The following PRKCZ variants were observed in gnomAD, a reference collection of about 807,000 sequenced individuals.
The protein encoded by PRKCZ is protein kinase C zeta type.
PRKCZ carries 33 observed loss-of-function variants against 79.5 expected under a neutral mutation model. The observed-to-expected ratio is 0.41, with a 90% CI of 0.31 to 0.55. The LOEUF is 0.55. Among genes scored for constraint, PRKCZ ranks in the 20% least tolerant of loss-of-function variants. The probability of loss-of-function intolerance (pLI) is 0.19; values close to 1 mark genes in which losing one functional copy is unlikely to be tolerated. For synonymous variants in PRKCZ, 342 were observed against 320.9 expected (o/e 1.07, Z -0.70); for missense variants, 578 against 813.5 (o/e 0.71, Z 3.52).
Position 2,185,014 on chromosome 1 carries a change from G to C in PRKCZ, c.*5G>C. 6.2e-7 allele frequency: 1 copy of C among 1,609,506 alleles called. No homozygotes were observed. Among genetic ancestry groups the C allele is most frequent in the Non-Finnish European group, 8.5e-7 (1 of 1,177,304 alleles). On this transcript the variant is annotated 3_prime_UTR_variant, in exon 18 of 18. Coordinates refer to ENST00000378567, the MANE Select transcript of PRKCZ (RefSeq NM_002744.6). ...TCCACCGAGGAGTCGGTGTGAGGCC[G>C]CGTGCGTCTCTGTCGTGGACACGCG...
At chr1:2,181,561 C>T (rs1201857399) in intron 16 of PRKCZ, among the ~76,000 whole-genome samples, 4 of 152,212 alleles carry the variant, frequency 2.6e-5, no homozygotes, top group Admixed American at 1.3e-4. Context: ...CTGGAGCCCA[C>T]GTGCCAGCTG....
chr1:2,103,320 G>A (rs554118258), intron 4 of PRKCZ, among the ~76,000 whole-genome samples: 2 of 152,378 alleles, frequency 1.3e-5, no homozygotes, highest in East Asian at 3.9e-4. Flanking sequence ...CCCCGGGAGA[G>A]CGGCCGACAC....
chr1:2,154,578 G>A (rs1360785791), intron 9 of PRKCZ, among the ~76,000 whole-genome samples: 1 of 152,206 alleles, frequency 6.6e-6, no homozygotes, highest in East Asian at 1.9e-4. Context: ...TGTATCTGTA[G>A]TCCCAGCTCC....
intron 7 of PRKCZ, among the ~76,000 whole-genome samples, chr1:2,147,013 G>T (rs1678686031): frequency 1.3e-5 from 2 of 151,952 alleles, no homozygotes; most frequent in Admixed American, 1.3e-4. Flanking sequence ...CATCCAGCCA[G>T]CCAGCCAGCC....
At chr1:2,161,607 C>G (rs141061446) in intron 10 of PRKCZ, among the ~76,000 whole-genome samples, 2 of 152,320 alleles carry the variant, frequency 1.3e-5, no homozygotes, top group East Asian at 3.9e-4. Flanking sequence ...GTCTGTAGTT[C>G]TAATCGGGAG....
At chr1:2,057,728 C>T (rs929759085) in intron 3 of PRKCZ, among the ~76,000 whole-genome samples, 4 of 152,080 alleles carry the variant, frequency 2.6e-5, no homozygotes, top group African/African-American at 2.4e-5. Context: ...TTTTTTGAGA[C>T]AGAGTCTGGC....
At position 2,128,181 on chromosome 1, in the gene PRKCZ, A is replaced by G. The variant is rs773235208; in HGVS notation, c.335-7081A>G. Reference sequence around the variant, plus strand: ...TCACTGTCTCCTTGTCCTCCTGGTCACTGACCTGGGCCACCATAGAAGGCA... The same window carrying G: ...TCACTGTCTCCTTGTCCTCCTGGTCGCTGACCTGGGCCACCATAGAAGGCA... On this transcript the variant is annotated intron_variant, in intron 4 of 17. Coordinates refer to ENST00000378567, the MANE Select transcript of PRKCZ (RefSeq NM_002744.6). This position sits in a 1 kb window ranked among gnomAD's most constrained non-coding sequence, Gnocchi z 6.5. Among the ~76,000 whole-genome samples, 7 of 152,294 alleles carry G rather than the reference A, an allele frequency of 4.6e-5. No homozygotes were observed. Among genetic ancestry groups the G allele is most frequent in the East Asian group, 1.9e-4 (1 of 5,184 alleles).
chr1:2,071,897 A>G (rs1661625382), intron 4 of PRKCZ, among the ~76,000 whole-genome samples: 1 of 152,240 alleles, frequency 6.6e-6, no homozygotes, highest in Admixed American at 6.5e-5. Context: ...CGTGGGCAGC[A>G]CCCAAGGAGG....
chr1:2,101,445 A>G (rs1422398406), intron 4 of PRKCZ, among the ~76,000 whole-genome samples: 1 of 151,318 alleles, frequency 6.6e-6, no homozygotes, highest in African/African-American at 2.4e-5. Flanking sequence ...TCCAGGGACA[A>G]CCCCTGGTGC....
At chr1:2,088,032 C>T (rs1170533509) in intron 4 of PRKCZ, among the ~76,000 whole-genome samples, 1 of 152,244 alleles carries the variant, frequency 6.6e-6, no homozygotes, top group Admixed American at 6.5e-5. Flanking sequence ...TTGATGGCGG[C>T]AGAGCCCATC....
chr1:2,072,589 T>G (rs1001095773), intron 4 of PRKCZ, among the ~76,000 whole-genome samples: 4 of 152,112 alleles, frequency 2.6e-5, no homozygotes, highest in African/African-American at 9.7e-5. Flanking sequence ...CCCTGTGACC[T>G]GGGGAGGCCC....
intron 2 of PRKCZ, among the ~76,000 whole-genome samples, chr1:2,056,169 C>T (rs750639703): frequency 2.2e-4 from 33 of 152,218 alleles, no homozygotes; most frequent in Non-Finnish European, 3.7e-4. Flanking sequence ...GGGCAAGGAG[C>T]TCTCCCTCCG....
intron 10 of PRKCZ, among the ~76,000 whole-genome samples, chr1:2,158,948 C>T (rs1482504358): frequency 6.6e-6 from 1 of 150,946 alleles, no homozygotes; most frequent in Non-Finnish European, 1.5e-5. Context: ...TTTTTTGAGA[C>T]GGAGTCTTGC....
At chr1:2,114,767 C>T (rs1022834726) in intron 4 of PRKCZ, among the ~76,000 whole-genome samples, 3 of 151,502 alleles carry the variant, frequency 2.0e-5, no homozygotes, top group African/African-American at 7.3e-5. Context: ...AGCGAGACTC[C>T]GTCTCAAAAA....
intron 10 of PRKCZ, among the ~76,000 whole-genome samples, chr1:2,162,636 G>A (rs1682539319): frequency 6.6e-6 from 1 of 151,934 alleles, no homozygotes; most frequent in Non-Finnish European, 1.5e-5. Context: ...TTTTACAGAT[G>A]GGGGTCTTGC....
chr1:2,089,471 T>C (rs1381135613), intron 4 of PRKCZ, among the ~76,000 whole-genome samples: 1 of 152,144 alleles, frequency 6.6e-6, no homozygotes, highest in Non-Finnish European at 1.5e-5. Context: ...TTGCTCGAGA[T>C]GCTGAAGGCG....
At chr1:2,154,164 C>A (rs915733711) in intron 9 of PRKCZ, among the ~76,000 whole-genome samples, 14 of 152,178 alleles carry the variant, frequency 9.2e-5, no homozygotes, top group Non-Finnish European at 1.8e-4. Context: ...GGAGGAGTCA[C>A]CGCCGACCCA....
Position 2,127,352 on chromosome 1 carries a change from G to A in PRKCZ, c.335-7910G>A, listed in dbSNP as rs1439574342. Among the ~76,000 whole-genome samples the A allele has an allele frequency of 3.3e-5, 5 of 152,092 alleles. No homozygotes were observed. Among genetic ancestry groups the A allele is most frequent in the Admixed American group, 6.5e-5 (1 of 15,280 alleles). ...CGGGAAGTTTGAGTTGCAGGCTTGC[G>A]ATCCGGGCAGGTCCCTCAGATGGAG... On this transcript the variant is annotated intron_variant, in intron 4 of 17. Transcript: ENST00000378567. This position sits in a 1 kb window ranked among gnomAD's most constrained non-coding sequence, Gnocchi z 5.1.
intron 16 of PRKCZ, 161 bp from the exon 17 acceptor site, chr1:2,184,422 T>G: frequency 1.7e-6 from 1 of 589,458 alleles, no homozygotes; most frequent in Non-Finnish European, 3.0e-6. Flanking sequence ...ATTTTCTAGA[T>G]TTTGTGTTGT....
Sources: gnomAD v4.1 joint callset for allele counts (sites outside exome capture counted in the v4.1 genomes callset) on GRCh38, gnomAD v4.1.1 for gene constraint, Gnocchi (gnomAD v3.1) non-coding constraint, MANE v1.5 for transcripts, NCBI Gene and HGNC (gene_info 2026-07-23, HGNC 2026-07-21) for gene names.